ZNF277: variants seen among roughly 807,000 people sequenced by gnomAD.
ZNF277 encodes the protein nuclear receptor-interacting factor 4.
ZNF277 carries 55 observed loss-of-function variants against 60.7 expected under a neutral mutation model. That is an observed-to-expected ratio of 0.91 (90% CI 0.73 to 1.13). ZNF277 has a LOEUF of 1.13. Ranked by LOEUF, ZNF277 falls within the 50% of genes most tolerant of loss-of-function variation. ZNF277 has a pLI of 0.00. For synonymous variants in ZNF277, 178 were observed against 179.3 expected, an observed-to-expected ratio of 0.99 and a Z score of 0.06; for missense variants, 510 against 523.0, an observed-to-expected ratio of 0.98 and a Z score of 0.24.
chr7:112,237,213 G>A (rs968681528), intron 1 of ZNF277, among the ~76,000 whole-genome samples: 5 of 152,038 alleles, frequency 3.3e-5, no homozygotes, highest in Non-Finnish European at 1.5e-5. Context: ...AAACCTCTGG[G>A]ACAGAGCAAA....
chr7:112,287,297 C>A, intron 2 of ZNF277: 1 of 538,748 alleles, frequency 1.9e-6, no homozygotes, highest in Admixed American at 3.2e-5. Flanking sequence ...GCTGCTTGCA[C>A]CCATGAGTTC....
chr7:112,257,732 G>A (rs570613395), intron 1 of ZNF277, among the ~76,000 whole-genome samples: 13 of 152,188 alleles, frequency 8.5e-5, no homozygotes, highest in East Asian at 3.9e-4. Context: ...ATTTAGATCC[G>A]ATTATTGAAA....
At chr7:112,289,485 A>T (rs1792155108) in intron 2 of ZNF277, among the ~76,000 whole-genome samples, 1 of 152,246 alleles carries the variant, frequency 6.6e-6, no homozygotes, top group Non-Finnish European at 1.5e-5. Flanking sequence ...ATGCTCTCAT[A>T]GGACATACTC....
intron 1 of ZNF277, among the ~76,000 whole-genome samples, chr7:112,242,438 T>G (rs951493444): frequency 1.1e-4 from 17 of 151,606 alleles, no homozygotes; most frequent in Admixed American, 3.3e-4. Flanking sequence ...ATTTTATAAA[T>G]GAATTCAGTA....
intron 1 of ZNF277, among the ~76,000 whole-genome samples, chr7:112,266,751 A>T (rs1791560795): frequency 6.6e-6 from 1 of 152,184 alleles, no homozygotes; most frequent in African/African-American, 2.4e-5. Flanking sequence ...TGCTTCACCA[A>T]AAACTTGTAA....
chr7:112,251,590 A>G (rs1002921927), intron 1 of ZNF277, among the ~76,000 whole-genome samples: 1 of 152,224 alleles, frequency 6.6e-6, no homozygotes, highest in African/African-American at 2.4e-5. Context: ...GAAGGATTCT[A>G]GATAGAATCA....
intron 4 of ZNF277, among the ~76,000 whole-genome samples, chr7:112,316,031 AG>A (rs1792837009): frequency 6.6e-6 from 1 of 152,186 alleles, no homozygotes; most frequent in South Asian, 2.1e-4. Context: ...AAAAATTAAA[AG>A]TGATATCATG....
chr7:112,237,891 A>G (rs1790842157), intron 1 of ZNF277, among the ~76,000 whole-genome samples: 1 of 152,214 alleles, frequency 6.6e-6, no homozygotes, highest in Non-Finnish European at 1.5e-5. Context: ...CTATAGACCA[A>G]TATCTTTGAT....
At chr7:112,254,225 G>A (rs571646906) in intron 1 of ZNF277, among the ~76,000 whole-genome samples, 5 of 152,320 alleles carry the variant, frequency 3.3e-5, no homozygotes, top group African/African-American at 1.2e-4. Flanking sequence ...CATATCACAT[G>A]TTGGTATACA....
intron 1 of ZNF277, among the ~76,000 whole-genome samples, chr7:112,217,653 TC>T (rs1457850137): frequency 6.6e-6 from 1 of 152,202 alleles, no homozygotes. Context: ...AACAGCCCTT[TC>T]CCAAAACAAA....
intron 4 of ZNF277, among the ~76,000 whole-genome samples, chr7:112,302,211 G>A (rs1792492480): frequency 6.6e-6 from 1 of 151,704 alleles, no homozygotes; most frequent in South Asian, 2.1e-4. Context: ...TTATCTTCAG[G>A]AGAGAAACAG....
intron 1 of ZNF277, among the ~76,000 whole-genome samples, chr7:112,268,154 A>T (rs1354942714): frequency 6.6e-6 from 1 of 152,134 alleles, no homozygotes; most frequent in Non-Finnish European, 1.5e-5. Context: ...GTGACCATGT[A>T]TGAAAGTACA....
intron 7 of ZNF277, among the ~76,000 whole-genome samples, chr7:112,332,458 A>G (rs1201376605): frequency 6.6e-6 from 1 of 152,206 alleles, no homozygotes; most frequent in Non-Finnish European, 1.5e-5. Context: ...GACAAGACTA[A>G]TACCTACATC....
At chr7:112,300,933 C>T (rs975741470) in intron 4 of ZNF277, among the ~76,000 whole-genome samples, 1 of 152,108 alleles carries the variant, frequency 6.6e-6, no homozygotes, top group East Asian at 1.9e-4. Flanking sequence ...CATCCATACT[C>T]ATACTTACCT....
rs545780634 is a variant in ZNF277, at chr7:112,306,425, G to T, written c.465+10114G>T. Among the ~76,000 whole-genome samples, 20 of 152,132 alleles carry T rather than the reference G, an allele frequency of 1.3e-4. 1 individual carries two copies. The South Asian group carries it at 4.1e-3, about 32-fold the overall frequency. The stretch of plus-strand genomic sequence containing the variant: ...AGATGGGGTTTCACCATGTTGGCCA[G>T]GCTGGTCTTGAACTCCTGACCTCAG... On this transcript the variant is annotated intron_variant, in intron 4 of 11. Coordinates refer to ENST00000361822, the MANE Select transcript of ZNF277 (RefSeq NM_021994.3).
At chr7:112,262,358 A>G (rs1442701198) in intron 1 of ZNF277, among the ~76,000 whole-genome samples, 1 of 152,098 alleles carries the variant, frequency 6.6e-6, no homozygotes, top group East Asian at 1.9e-4. Context: ...TTTATATTAA[A>G]TCTCAGCATG....
At chr7:112,250,118 G>C (rs1041468458) in intron 1 of ZNF277, among the ~76,000 whole-genome samples, 1 of 152,164 alleles carries the variant, frequency 6.6e-6, no homozygotes, top group Admixed American at 6.5e-5. Flanking sequence ...CCCTGAGAAA[G>C]AGAATGTGCA....
intron 1 of ZNF277, among the ~76,000 whole-genome samples, chr7:112,254,159 G>A (rs1462784541): frequency 6.6e-6 from 1 of 152,188 alleles, no homozygotes; most frequent in Non-Finnish European, 1.5e-5. Flanking sequence ...TTAATTTAGA[G>A]AAGCTTTTCA....
intron 4 of ZNF277, among the ~76,000 whole-genome samples, chr7:112,296,924 T>TTA (rs1792363424): frequency 3.9e-5 from 2 of 50,824 alleles, no homozygotes; most frequent in African/African-American, 1.0e-4. Context: ...TTTTTTTTTT[T>TTA]TTTTTTTTTT....
Sources: allele counts gnomAD v4.1 joint callset (sites outside exome capture counted in the v4.1 genomes callset), GRCh38; gene constraint gnomAD v4.1.1; transcripts MANE v1.5; gene names NCBI Gene and HGNC (gene_info 2026-07-23, HGNC 2026-07-21).